Variants in SLC35F1 observed in about 807,000 individuals in gnomAD.
The protein encoded by SLC35F1 is chromosome 6 open reading frame 169.
In SLC35F1, 14 loss-of-function variants were observed where a neutral mutation model predicts 48.7. That is an observed-to-expected ratio of 0.29 (90% confidence interval 0.19 to 0.45). The LOEUF is 0.45. SLC35F1 is among the 20% of genes least tolerant of loss of function. SLC35F1 has a pLI of 1.00. For synonymous variants in SLC35F1, 190 were observed against 202.2 expected (o/e 0.94, Z 0.51); for missense variants, 404 against 500.0 (o/e 0.81, Z 1.83).
rs2883845 is a variant in SLC35F1, at chr6:118,202,511, G to T, written c.350-32998G>T. ...GACCCTGTCCCAAAATAAAATAAAA[G>T]AAAATGGCTGCACTGTTTTGCATTA... On this transcript the variant is annotated intron_variant, in intron 2 of 7. Transcript: ENST00000360388. Among the ~76,000 whole-genome samples the T allele has an allele frequency of 3.3e-5, 5 of 152,018 alleles. No individual in the cohort carries two copies. The South Asian group carries it at 6.2e-4, about 19-fold the overall frequency.
At chr6:118,115,919 AAAG>A (rs1397987404) in intron 1 of SLC35F1, among the ~76,000 whole-genome samples, 1 of 152,208 alleles carries the variant, frequency 6.6e-6, no homozygotes, top group Admixed American at 6.5e-5. Context: ...GTTTGCCTGA[AAAG>A]AAAACATAAA....
chr6:117,931,471 C>G (rs1776101290), intron 1 of SLC35F1, among the ~76,000 whole-genome samples: 1 of 152,166 alleles, frequency 6.6e-6, no homozygotes, highest in African/African-American at 2.4e-5. Context: ...TGGCCCATTT[C>G]TCTCTAAGCT....
intron 1 of SLC35F1, among the ~76,000 whole-genome samples, chr6:118,152,990 A>G (rs1190636297): frequency 6.6e-6 from 1 of 152,220 alleles, no homozygotes; most frequent in African/African-American, 2.4e-5. Context: ...ACCTGGAAAT[A>G]GGTTAACCTC....
chr6:118,295,065 GA>G (rs1776167045), intron 7 of SLC35F1, among the ~76,000 whole-genome samples: 1 of 152,066 alleles, frequency 6.6e-6, no homozygotes, highest in Admixed American at 6.6e-5. Flanking sequence ...ATCCTATGAG[GA>G]CAGGTGTAGA....
At chr6:118,041,724 C>A (rs551630295) in intron 1 of SLC35F1, among the ~76,000 whole-genome samples, 1 of 152,070 alleles carries the variant, frequency 6.6e-6, no homozygotes, top group Non-Finnish European at 1.5e-5. Flanking sequence ...AGAGATCTTG[C>A]AAGCAAAGGG....
At chr6:117,929,773 A>G (rs1029063488) in intron 1 of SLC35F1, among the ~76,000 whole-genome samples, 2 of 152,168 alleles carry the variant, frequency 1.3e-5, no homozygotes, top group Non-Finnish European at 2.9e-5. Context: ...TCTATAAAAT[A>G]CCTTCATAGC....
chr6:118,096,681 T>A (rs970728435), intron 1 of SLC35F1, among the ~76,000 whole-genome samples: 1 of 152,170 alleles, frequency 6.6e-6, no homozygotes. Flanking sequence ...TGAGAAACTT[T>A]CAGTTAGCCA....
At chr6:118,093,113 C>T (rs1337009647) in intron 1 of SLC35F1, among the ~76,000 whole-genome samples, 1 of 151,946 alleles carries the variant, frequency 6.6e-6, no homozygotes, top group African/African-American at 2.4e-5. Context: ...GTCAGTGGTT[C>T]GAAACCAGCC....
At position 118,316,226 on chromosome 6, in the gene SLC35F1, A is replaced by G. The variant is rs1038736919; in HGVS notation, c.*1974A>G. On this transcript the variant is annotated 3_prime_UTR_variant, in exon 8 of 8. Coordinates refer to ENST00000360388, the MANE Select transcript of SLC35F1 (RefSeq NM_001029858.4). ...CGGGTAAGTGGACCTACCCTTGGAG[A>G]TAGAGAAGAAAAATTATCTTCTCTG... 1.3e-5 allele frequency: 2 copies of G among 152,236 alleles called. No individual in the cohort carries two copies. The highest frequency in any genetic ancestry group is 4.8e-5 in the African/African-American group (2 of 41,452). The allele number at this position is 152,236 out of a possible 1,614,324, so 9.4% of individuals were successfully genotyped here. A position where few individuals can be genotyped will look rare whatever the true frequency, so the allele number is the denominator to read the frequency against.
intron 1 of SLC35F1, among the ~76,000 whole-genome samples, chr6:117,960,188 A>G (rs963355315): frequency 6.6e-6 from 1 of 151,816 alleles, no homozygotes; most frequent in South Asian, 2.1e-4. Context: ...ATTACAAACT[A>G]TCTATGTTTG....
chr6:118,104,346 C>T (rs528355756), intron 1 of SLC35F1, among the ~76,000 whole-genome samples: 17 of 152,252 alleles, frequency 1.1e-4, no homozygotes, highest in African/African-American at 4.1e-4. Flanking sequence ...CTACAAGATC[C>T]TGAGCAAATT....
intron 1 of SLC35F1, among the ~76,000 whole-genome samples, chr6:118,111,602 A>G (rs1773401491): frequency 6.6e-6 from 1 of 152,210 alleles, no homozygotes. Context: ...GAAGTTCTTC[A>G]GAGAGAAGGA....
chr6:118,112,284 T>G (rs755292043), intron 1 of SLC35F1, among the ~76,000 whole-genome samples: 2 of 152,004 alleles, frequency 1.3e-5, no homozygotes, highest in Non-Finnish European at 2.9e-5. Flanking sequence ...AAGGCATTTC[T>G]AATTTTGCTT....
At chr6:118,070,892 A>AATATATATT (rs1772694600) in intron 1 of SLC35F1, among the ~76,000 whole-genome samples, 1 of 30,274 alleles carries the variant, frequency 3.3e-5, no homozygotes, top group Non-Finnish European at 7.0e-5. Flanking sequence ...ATACATAGTA[A>AATATATATT]ATATATATAC....
At chr6:118,028,586 A>G (rs941155517) in intron 1 of SLC35F1, among the ~76,000 whole-genome samples, 3 of 152,102 alleles carry the variant, frequency 2.0e-5, no homozygotes, top group African/African-American at 7.2e-5. Flanking sequence ...AGGTGGAAGA[A>G]AAGAAGGCTG....
chr6:118,210,250 T>C (rs1774985146), intron 2 of SLC35F1, among the ~76,000 whole-genome samples: 1 of 152,194 alleles, frequency 6.6e-6, no homozygotes, highest in South Asian at 2.1e-4. Flanking sequence ...ATCACTATTA[T>C]TTTTCAACAA....
intron 7 of SLC35F1, among the ~76,000 whole-genome samples, chr6:118,308,440 T>G (rs1004094046): frequency 6.6e-6 from 1 of 152,178 alleles, no homozygotes; most frequent in Non-Finnish European, 1.5e-5. Context: ...TACATGGAAA[T>G]TCTCCCTACT....
rs532467603 is a variant in SLC35F1 at position 118,277,402 on chromosome 6, A to G, written c.795-92A>G. 10 of 1,134,044 alleles carry G rather than the reference A, an allele frequency of 8.8e-6. No homozygotes were observed. The Admixed American group carries it at 9.3e-5, about 11-fold the overall frequency. 70.2% of individuals were successfully genotyped at this position (1,134,044 alleles called of 1,614,324 possible). On this transcript the variant is annotated intron_variant, in intron 5 of 7. Coordinates refer to ENST00000360388, the MANE Select transcript of SLC35F1 (RefSeq NM_001029858.4). The stretch of plus-strand genomic sequence containing the variant: ...TTCATCTGGTTGCTTCATTATTTGT[A>G]TACATCTGATAAGTGGGGGGGAAAA...
intron 1 of SLC35F1, among the ~76,000 whole-genome samples, chr6:118,083,302 T>C (rs1562284564): frequency 6.6e-6 from 1 of 152,180 alleles, no homozygotes. Flanking sequence ...AAAAAAGGCA[T>C]TTTATAAACT....
Sources: allele counts gnomAD v4.1 joint callset (sites outside exome capture counted in the v4.1 genomes callset), GRCh38; gene constraint gnomAD v4.1.1; transcripts MANE v1.5; gene names NCBI Gene and HGNC (gene_info 2026-07-23, HGNC 2026-07-21).